BBS9: variants seen among roughly 807,000 people sequenced by gnomAD.
The protein encoded by BBS9 is protein PTHB1.
A neutral mutation model predicts 117.7 loss-of-function variants in BBS9; 89 were observed. The ratio of observed to expected loss-of-function variants is 0.76; its 90% CI spans 0.64 to 0.90. The LOEUF is 0.90. BBS9 is among the 40% of genes least tolerant of loss of function. The probability of loss-of-function intolerance (pLI) is 0.00; values close to 1 mark genes in which losing one functional copy is unlikely to be tolerated. For synonymous variants in BBS9, 379 were observed against 370.9 expected (o/e 1.02, Z -0.25); for missense variants, 982 against 1,042.2 (o/e 0.94, Z 0.80).
chr7:33,466,391 A>G (rs147439111), intron 19 of BBS9, among the ~76,000 whole-genome samples: 11 of 105,060 alleles, frequency 1.0e-4, no homozygotes, highest in Admixed American at 9.8e-4. Context: ...GAGGTCATGC[A>G]GTATTTGTCT....
rs961181468 is a variant in BBS9 at position 33,505,514 on chromosome 7, T to C, written c.2167T>C (p.Ser723Pro). 1 of 1,614,166 alleles carries C rather than the reference T, an allele frequency of 6.2e-7. No individual in the cohort carries two copies. Among genetic ancestry groups the C allele is most frequent in the Non-Finnish European group, 8.5e-7 (1 of 1,179,984 alleles). ...GGAAAACCAAGGCAATCTGTTCCAG[T>C]CATTCACCAGGCTGAAGAGTGCCAC... ...VEENQGNLFQ[S>P]FTRLKSATHL... The change falls in exon 20 of 23, where the codon TCA becomes CCA. Residue 723 changes from serine (S) to proline (P), a missense_variant. Physicochemically the swap from Ser to Pro is moderately conservative, Grantham distance 74 (BLOSUM62 -1). Coordinates refer to ENST00000242067, the MANE Select transcript of BBS9 (RefSeq NM_198428.3).
intron 9 of BBS9, among the ~76,000 whole-genome samples, chr7:33,310,287 T>A (rs1444387293): frequency 6.6e-6 from 1 of 152,246 alleles, no homozygotes; most frequent in African/African-American, 2.4e-5. Flanking sequence ...TTTCTATCTT[T>A]GTCTTGTTTT....
chr7:33,151,913 A>G (rs1793407939), intron 2 of BBS9, among the ~76,000 whole-genome samples: 1 of 141,758 alleles, frequency 7.1e-6, no homozygotes, highest in Non-Finnish European at 1.5e-5. Context: ...GCTAGAGTAC[A>G]GTGGCACGAT....
intron 21 of BBS9, among the ~76,000 whole-genome samples, chr7:33,540,727 C>T (rs1852162055): frequency 6.6e-6 from 1 of 152,120 alleles, no homozygotes; most frequent in Non-Finnish European, 1.5e-5. Flanking sequence ...GGGCAATGAC[C>T]ATGTGTTTAT....
intron 4 of BBS9, among the ~76,000 whole-genome samples, chr7:33,176,339 A>G (rs964049388): frequency 6.6e-6 from 1 of 152,200 alleles, no homozygotes; most frequent in Non-Finnish European, 1.5e-5. Context: ...ATTCCCTGAA[A>G]GTTGTTAAAT....
intron 16 of BBS9, among the ~76,000 whole-genome samples, chr7:33,366,682 C>G (rs1322542346): frequency 1.3e-5 from 2 of 151,538 alleles, no homozygotes; most frequent in African/African-American, 4.9e-5. Flanking sequence ...GTAGCTGGGA[C>G]TACAGGCGCA....
intron 21 of BBS9, among the ~76,000 whole-genome samples, chr7:33,575,781 C>G (rs1858726389): frequency 1.3e-5 from 2 of 152,066 alleles, no homozygotes; most frequent in Admixed American, 1.3e-4. Flanking sequence ...TAATCCATCA[C>G]CTAAACAGAA....
At chr7:33,167,273 A>C (rs1323168941) in intron 4 of BBS9, among the ~76,000 whole-genome samples, 4 of 152,090 alleles carry the variant, frequency 2.6e-5, no homozygotes, top group African/African-American at 9.7e-5. Context: ...TGTATATATA[A>C]ACAATTTCAG....
chr7:33,534,728 A>T (rs1249436627), intron 21 of BBS9, among the ~76,000 whole-genome samples: 1 of 152,108 alleles, frequency 6.6e-6, no homozygotes, highest in African/African-American at 2.4e-5. Flanking sequence ...GCAGTCAGTG[A>T]TGGTCGTGGG....
At chr7:33,539,953 G>A (rs1050065955) in intron 21 of BBS9, among the ~76,000 whole-genome samples, 1 of 152,230 alleles carries the variant, frequency 6.6e-6, no homozygotes, top group Non-Finnish European at 1.5e-5. Flanking sequence ...AGTGTTAAAT[G>A]CAGGAGGATA....
chr7:33,570,968 G>A (rs1585302900), intron 21 of BBS9, among the ~76,000 whole-genome samples: 1 of 152,280 alleles, frequency 6.6e-6, no homozygotes, highest in East Asian at 1.9e-4. Context: ...ATTTCATAAT[G>A]GATGCTGAAA....
At chr7:33,442,980 T>C (rs755373146) in intron 19 of BBS9, among the ~76,000 whole-genome samples, 5 of 151,742 alleles carry the variant, frequency 3.3e-5, no homozygotes, top group Non-Finnish European at 5.9e-5. Flanking sequence ...ATGTCATGTA[T>C]GAAAAGTTAA....
intron 19 of BBS9, among the ~76,000 whole-genome samples, chr7:33,432,389 A>G (rs542023863): frequency 2.7e-4 from 41 of 151,634 alleles, no homozygotes; most frequent in African/African-American, 8.5e-4. Context: ...GATTACAGGC[A>G]TGAGCCACCG....
intron 19 of BBS9, among the ~76,000 whole-genome samples, chr7:33,485,315 T>C (rs1032243394): frequency 8.0e-5 from 12 of 150,588 alleles, no homozygotes; most frequent in African/African-American, 2.9e-4. Context: ...AAAGTTTTTT[T>C]TTTTTTTTTT....
chr7:33,594,054 G>C (rs759890116), intron 21 of BBS9, among the ~76,000 whole-genome samples: 15 of 152,122 alleles, frequency 9.9e-5, no homozygotes, highest in Non-Finnish European at 1.8e-4. Context: ...TTAATACTAG[G>C]AGCACCCTGC....
Position 33,177,459 on chromosome 7 carries a change from CTTTT to C in BBS9, c.329-10_329-7del. 8.5e-7 allele frequency: 1 copy of C among 1,172,762 alleles called. No homozygotes were observed. 72.6% of individuals were successfully genotyped at this position (1,172,762 alleles called of 1,614,324 possible). A position where few individuals can be genotyped will look rare whatever the true frequency, so the allele number is the denominator to read the frequency against. The stretch of plus-strand genomic sequence containing the variant: ...TAGTGTACACAAATACAAAGTAATC[CTTTT>C]TTTTTTTTCCTTAGGAACCTTGGGT... On this transcript the variant is annotated splice_polypyrimidine_tract_variant and intron_variant, in intron 4 of 22. Transcript: ENST00000242067.
At chr7:33,425,247 C>T (rs911223005) in intron 19 of BBS9, among the ~76,000 whole-genome samples, 2 of 152,132 alleles carry the variant, frequency 1.3e-5, no homozygotes, top group Admixed American at 1.3e-4. Context: ...TCTACTTAGA[C>T]CCCACTTTAT....
intron 19 of BBS9, among the ~76,000 whole-genome samples, chr7:33,480,974 C>T (rs1377800141): frequency 1.3e-5 from 2 of 152,188 alleles, no homozygotes; most frequent in East Asian, 3.9e-4. Flanking sequence ...CACCTTCTGC[C>T]GTGATTGTAA....
rs1797315547 is a variant in BBS9, at chr7:33,176,299, A to C, written c.329-1179A>C. Among the ~76,000 whole-genome samples the C allele has an allele frequency of 1.3e-5, 2 of 152,202 alleles. 1 individual carries two copies. The highest frequency in any genetic ancestry group is 4.8e-5 in the African/African-American group (2 of 41,440). ...ATTGTCGTTGACAGGATCCATGGAC[A>C]GTAAAATCTTTACTGGGTGCGAGGA... On this transcript the variant is annotated intron_variant, in intron 4 of 22. Coordinates refer to ENST00000242067, the MANE Select transcript of BBS9 (RefSeq NM_198428.3).
Sources: allele counts gnomAD v4.1 joint callset (sites outside exome capture counted in the v4.1 genomes callset), GRCh38; gene constraint gnomAD v4.1.1; transcripts MANE v1.5; gene names NCBI Gene and HGNC (gene_info 2026-07-23, HGNC 2026-07-21).